The following TSHZ3 variants were observed in gnomAD, a reference collection of about 807,000 sequenced individuals.
TSHZ3 encodes teashirt homolog 3.
TSHZ3 carries 10 observed loss-of-function variants against 64.5 expected under a neutral mutation model. That is an observed-to-expected ratio of 0.16 (90% CI 0.10 to 0.26). TSHZ3 has a LOEUF of 0.26. Ranked by LOEUF, TSHZ3 falls within the 10% of genes least tolerant of loss-of-function variation. The pLI, the probability that TSHZ3 is intolerant of heterozygous loss-of-function variation, is 1.00. For missense variants in TSHZ3, 1,242 were observed against 1,421.7 expected (o/e 0.87, Z 2.03); for synonymous variants, 608 against 593.1 (o/e 1.03, Z -0.36).
At chr19:31,330,693 C>A (rs1917058790) in intron 1 of TSHZ3, among the ~76,000 whole-genome samples, 1 of 104,992 alleles carries the variant, frequency 9.5e-6, no homozygotes, top group Admixed American at 1.0e-4. Context: ...GAGCCAAGTG[C>A]TGTTTAATCC....
chr19:31,236,431 A>G (rs922699679), intron 3 of TSHZ3, among the ~76,000 whole-genome samples: 13 of 152,154 alleles, frequency 8.5e-5, no homozygotes, highest in African/African-American at 3.1e-4. Context: ...GGCCCTTTGT[A>G]TGTCTTCTTT....
intron 5 of TSHZ3, among the ~76,000 whole-genome samples, chr19:31,170,534 G>C (rs1005560534): frequency 2.0e-5 from 3 of 152,150 alleles, no homozygotes; most frequent in Non-Finnish European, 4.4e-5. Flanking sequence ...GCTAAAGAGA[G>C]CATCCCACAT....
At chr19:31,199,389 C>T (rs1301514914) in intron 5 of TSHZ3, among the ~76,000 whole-genome samples, 1 of 109,352 alleles carries the variant, frequency 9.1e-6, no homozygotes, top group African/African-American at 3.8e-5. Flanking sequence ...GATGACAGAG[C>T]GAGACTCCGC....
At chr19:31,230,767 T>C (rs1975528816) in intron 3 of TSHZ3, among the ~76,000 whole-genome samples, 1 of 143,278 alleles carries the variant, frequency 7.0e-6, no homozygotes, top group South Asian at 2.4e-4. Context: ...TGGCCCAATC[T>C]CGGCTCACTG....
intron 1 of TSHZ3, among the ~76,000 whole-genome samples, chr19:31,338,107 T>C (rs1320895120): frequency 6.6e-6 from 1 of 151,764 alleles, no homozygotes; most frequent in African/African-American, 2.4e-5. Context: ...AGGCCTAGAG[T>C]TTCTGCTTTC....
downstream of TSHZ3, among the ~76,000 whole-genome samples, chr19:31,271,537 T>G: frequency 6.6e-6 from 1 of 152,198 alleles, no homozygotes; most frequent in East Asian, 1.9e-4. Context: ...AGCTTTATGC[T>G]AAGACAGAGC....
intron 1 of TSHZ3, among the ~76,000 whole-genome samples, chr19:31,333,479 C>G (rs1917156704): frequency 6.6e-6 from 1 of 152,190 alleles, no homozygotes; most frequent in Admixed American, 6.5e-5. Context: ...CGCATATCAT[C>G]TTGAACCCAA....
chr19:31,349,506 G>A, upstream of TSHZ3: 1 of 315,222 alleles, frequency 3.2e-6, no homozygotes, highest in Non-Finnish European at 5.8e-6. Flanking sequence ...AGGAGGAGGT[G>A]GAGGAGGAGG....
At chr19:31,315,545 C>T (rs967822800) in intron 1 of TSHZ3, among the ~76,000 whole-genome samples, 4 of 152,172 alleles carry the variant, frequency 2.6e-5, no homozygotes, top group Non-Finnish European at 5.9e-5. Context: ...GGTGTGTGCG[C>T]CCTAGACTTC....
At chr19:31,260,764 C>G (rs1168976560) in intron 1 of TSHZ3, among the ~76,000 whole-genome samples, 1 of 152,094 alleles carries the variant, frequency 6.6e-6, no homozygotes, top group Non-Finnish European at 1.5e-5. Flanking sequence ...CATTTTGTCC[C>G]AGTTAGAGAA....
At chr19:31,274,293 G>A (rs183401989), downstream of TSHZ3, among the ~76,000 whole-genome samples, 4 of 152,180 alleles carry the variant, frequency 2.6e-5, no homozygotes, top group East Asian at 1.9e-4. Flanking sequence ...TGTTCCCAGC[G>A]TTTTGTTGGC....
At chr19:31,237,923 T>C (rs1329830563) in intron 3 of TSHZ3, among the ~76,000 whole-genome samples, 1 of 152,246 alleles carries the variant, frequency 6.6e-6, no homozygotes, top group Non-Finnish European at 1.5e-5. Context: ...GTCATTTATA[T>C]TGATTTCTAA....
intron 5 of TSHZ3, among the ~76,000 whole-genome samples, chr19:31,193,066 G>A (rs1269168153): frequency 6.6e-6 from 1 of 152,106 alleles, no homozygotes; most frequent in Non-Finnish European, 1.5e-5. Flanking sequence ...GTGCCTGTGT[G>A]GCACAGGGAG....
At chr19:31,326,722 T>C (rs186667084) in intron 1 of TSHZ3, among the ~76,000 whole-genome samples, 1 of 152,358 alleles carries the variant, frequency 6.6e-6, no homozygotes, top group Non-Finnish European at 1.5e-5. Context: ...TTTGTTGCTG[T>C]TAGGGAGAAC....
chr19:31,348,923 G>C (rs1360103727), intron 1 of TSHZ3: 1 of 461,134 alleles, frequency 2.2e-6, no homozygotes, highest in South Asian at 3.5e-5. Context: ...AGGAGGTAGG[G>C]ACCTGGCGCG....
intron 1 of TSHZ3, among the ~76,000 whole-genome samples, chr19:31,264,491 G>T (rs572094186): frequency 5.3e-5 from 8 of 152,048 alleles, no homozygotes; most frequent in African/African-American, 1.9e-4. Context: ...CCTCAGTCCC[G>T]CCTGTGGGAG....
At chr19:31,179,828 AGGTGGTGGT>A (rs61116795) in intron 5 of TSHZ3, among the ~76,000 whole-genome samples, 1 of 147,182 alleles carries the variant, frequency 6.8e-6, no homozygotes, top group South Asian at 2.2e-4. Context: ...GTGATGATGG[AGGTGGTGGT>A]GGTGGTGGTG....
At chr19:31,286,858 A>T (rs1166923521) in intron 1 of TSHZ3, among the ~76,000 whole-genome samples, 1 of 152,208 alleles carries the variant, frequency 6.6e-6, no homozygotes, top group African/African-American at 2.4e-5. Flanking sequence ...TGACAAACGT[A>T]TCATGTCCGG....
At position 31,277,826 on chromosome 19, in the gene TSHZ3, A is replaced by G; in HGVS notation, c.1967T>C (p.Met656Thr). The change falls in exon 2 of 2, where the codon ATG becomes ACG. Residue 656 changes from methionine to threonine, a missense_variant. Met to Thr is a moderately conservative substitution (Grantham distance 81). Coordinates refer to ENST00000240587, the MANE Select transcript of TSHZ3 (RefSeq NM_020856.4). This position sits in a 1 kb window ranked among gnomAD's most constrained non-coding sequence, Gnocchi z 4.5. Reference sequence around the variant, plus strand: ...GAAGCCCCCATCGCTGGATGCCTCCATCTTGATGGGTTCCCCGACTTCGCT... The same window carrying G: ...GAAGCCCCCATCGCTGGATGCCTCCGTCTTGATGGGTTCCCCGACTTCGCT... ...CSSEVGEPIK[M>T]EASSDGGFRS... 6.4e-7 allele frequency: 1 copy of G among 1,570,972 alleles called. No individual in the cohort carries two copies. The highest frequency in any genetic ancestry group is 8.6e-7 in the Non-Finnish European group (1 of 1,160,538).
Sources: allele counts gnomAD v4.1 joint callset (sites outside exome capture counted in the v4.1 genomes callset), GRCh38; gene constraint gnomAD v4.1.1; non-coding constraint Gnocchi (gnomAD v3.1); transcripts MANE v1.5; gene names NCBI Gene and HGNC (gene_info 2026-07-23, HGNC 2026-07-21).